The following PKD1 variants were observed in gnomAD, a reference collection of about 807,000 sequenced individuals.
PKD1 encodes the protein polycystin 1, transient receptor potential channel interacting, also known as polycystin-1.
PKD1 carries 81 observed loss-of-function variants against 361.7 expected under a neutral mutation model. The ratio of observed to expected loss-of-function variants is 0.22; its 90% CI spans 0.19 to 0.27. The LOEUF is 0.27. PKD1 is among the 10% of genes least tolerant of loss of function. The probability of loss-of-function intolerance (pLI) is 1.00; values close to 1 mark genes in which losing one functional copy is unlikely to be tolerated. For synonymous variants in PKD1, 3,615 were observed against 2,818.3 expected (o/e 1.28, Z -8.95); for missense variants, 6,399 against 6,118.3 (o/e 1.05, Z -1.53).
At chr16:2,119,466 C>T in intron 1 of PKD1, 88 bp from the exon 2 acceptor site, 3 of 761,664 alleles carry the variant, frequency 3.9e-6, no homozygotes, top group Non-Finnish European at 6.8e-6. Flanking sequence ...TGCCAGCATC[C>T]CCAAGCTATG....
In PKD1 at chr16:2,117,633, G is replaced by A; in HGVS notation, c.1241C>T (p.Pro414Leu). ...CAGGCGGTAGCAGTGCCCGTTGCCA[G>A]GGAAGATCTCCGTGTCCGAGGGGCA... ...PLCPSDTEIF[P>L]GNGHCYRLVV... Residue 414 changes from proline to leucine, a missense_variant, in exon 6 of 46, where the codon CCT (proline) becomes CTT (leucine). Transcript: ENST00000262304. 6.2e-7 allele frequency: 1 copy of A among 1,610,678 alleles called. No homozygotes were observed. Among genetic ancestry groups the A allele is most frequent in the Non-Finnish European group, 8.5e-7 (1 of 1,179,698 alleles).
At position 2,109,292 on chromosome 16, in the gene PKD1, C is replaced by T. The variant is rs939597598; in HGVS notation, c.5875G>A (p.Ala1959Thr). ...ACCACGATGCGCACCTGCGCCTGGG[C>T]CCAGCTCACGTGGTTTTTGCCCCGC... The part of the protein sequence containing the change: ...SVRGKNHVSW[A>T]QAQVRIVVLE... Residue 1959 changes from alanine (A) to threonine (T), a missense_variant, in exon 15 of 46, where the codon GCC (alanine) becomes ACC (threonine). Ala to Thr is a moderately conservative substitution (Grantham distance 58). Coordinates refer to ENST00000262304, the MANE Select transcript of PKD1 (RefSeq NM_001009944.3). The T allele has an allele frequency of 6.3e-7, 1 of 1,584,322 alleles. No homozygotes were observed. Among genetic ancestry groups the T allele is most frequent in the Non-Finnish European group, 8.6e-7 (1 of 1,167,618 alleles).
At chr16:2,092,876 A>C in intron 38 of PKD1, 78 bp downstream of exon 38, 1 of 1,542,804 alleles carries the variant, frequency 6.5e-7, no homozygotes, top group East Asian at 2.2e-5. Context: ...ACACATGTCC[A>C]CATGTCCCCT....
intron 1 of PKD1, chr16:2,123,409 T>G: frequency 2.2e-6 from 1 of 455,628 alleles, no homozygotes; most frequent in Non-Finnish European, 4.4e-6. Flanking sequence ...TGGGCAGGAC[T>G]CAGGTGTGGG....
chr16:2,121,618 G>A (rs894731469), intron 1 of PKD1, among the ~76,000 whole-genome samples: 1 of 152,076 alleles, frequency 6.6e-6, no homozygotes, highest in African/African-American at 2.4e-5. Flanking sequence ...ATGCGGAGGT[G>A]AGTAGACAGA....
rs767311081 is a variant in PKD1, at chr16:2,102,820, G to T, written c.8942C>A (p.Ser2981Tyr). Reference protein sequence around the residue: ...ADHRPYTFFISPGSRDPAGSY... With the variant: ...ADHRPYTFFIYPGSRDPAGSY... Reference sequence around the variant, plus strand: ...GCTGGCCCGCAGAGCTCACCCCGGGGAAATGAAGAAGGTGTAGGGCCGGTG... The same window carrying T: ...GCTGGCCCGCAGAGCTCACCCCGGGTAAATGAAGAAGGTGTAGGGCCGGTG... The change falls in exon 24 of 46, where the codon TCC (serine) becomes TAC (tyrosine). Residue 2981 changes from serine to tyrosine, a missense_variant. Coordinates refer to ENST00000262304, the MANE Select transcript of PKD1 (RefSeq NM_001009944.3). 1.5e-5 allele frequency: 24 copies of T among 1,609,952 alleles called. No individual in the cohort carries two copies. In the African/African-American group the frequency reaches 2.3e-4, roughly 15 times the overall value.
chr16:2,093,307 G>C, intron 37 of PKD1: 1 of 683,884 alleles, frequency 1.5e-6, no homozygotes, highest in Non-Finnish European at 2.5e-6. Context: ...CTGCAGTGGT[G>C]CTTAGGGGCC....
intron 37 of PKD1, 94 bp from the exon 38 acceptor site, chr16:2,093,187 T>C (rs926877382): frequency 3.0e-5 from 44 of 1,474,992 alleles, no homozygotes; most frequent in Non-Finnish European, 4.0e-5. Flanking sequence ...GCGGCAGGTG[T>C]GGCTGCAGGA....
chr16:2,103,386 C>CGGAGTT lies in PKD1; in HGVS notation c.8670_8671insAACTCC (p.Ser2890_Ala2891insAsnSer), dbSNP rs1567176868. On this transcript the variant is annotated inframe_insertion, in exon 23 of 46. Coordinates refer to ENST00000262304, the MANE Select transcript of PKD1 (RefSeq NM_001009944.3). ...ACCACAACGGAGTTGGCGGAGTTGG[C>CGGAGTT]GGAGCTGCGGTGGCCCCGGGCAGCC... is the stretch of plus-strand genomic sequence containing the variant. The CGGAGTT allele has an allele frequency of 1.2e-6, 2 of 1,600,152 alleles. No homozygotes were observed. The highest frequency in any genetic ancestry group is 1.7e-6 in the Non-Finnish European group (2 of 1,179,480).
intron 38 of PKD1, 48 bp downstream of exon 38, chr16:2,092,905 AG>A (rs1409989151): frequency 6.2e-7 from 1 of 1,610,366 alleles, no homozygotes. Flanking sequence ...GCTGGACTAA[AG>A]GCAAAACTAA....
chr16:2,114,718 G>A lies in PKD1; in HGVS notation c.2305C>T (p.Leu769=), dbSNP rs776726676. ...TGTTCCGTGGCTGCAAGCAGCCGCAGGGCACAGGCAGGGCAGGCCCAAGTG... is the reference window on the plus strand; with the variant it reads ...TGTTCCGTGGCTGCAAGCAGCCGCAAGGCACAGGCAGGGCAGGCCCAAGTG... ...EGTWACPACA[L]RLLAATEQLT... is the part of the protein sequence containing the mutation. Residue 769 remains leucine, a synonymous_variant, in exon 11 of 46, where the codon CTG becomes TTG. Transcript: ENST00000262304. 3.3e-6 allele frequency: 5 copies of A among 1,533,164 alleles called. No homozygotes were observed. In the South Asian group the frequency reaches 4.8e-5, roughly 15 times the overall value. 95.0% of individuals were successfully genotyped at this position (1,533,164 alleles called of 1,614,324 possible). A position where few individuals can be genotyped will look rare whatever the true frequency, so the allele number is the denominator to read the frequency against.
chr16:2,099,976 G>A lies in PKD1; in HGVS notation c.9808C>T (p.Pro3270Ser), dbSNP rs2092023462. 2.6e-6 allele frequency: 4 copies of A among 1,563,294 alleles called. No individual in the cohort carries two copies. Among genetic ancestry groups the A allele is most frequent in the Non-Finnish European group, 3.5e-6 (4 of 1,155,446 alleles). ...KHIWLSIWDR[P>S]PRSRFTRIQR... ...ATGCGAGTGAAACGGCTACGAGGCGGCCGGTCCCATATGGAGAGCCAGATG... is the reference window on the plus strand; with the variant it reads ...ATGCGAGTGAAACGGCTACGAGGCGACCGGTCCCATATGGAGAGCCAGATG... Residue 3270 changes from proline (P) to serine (S), a missense_variant, in exon 29 of 46, where the codon CCG becomes TCG. By Grantham distance (74) the Pro-to-Ser change is moderately conservative. Transcript: ENST00000262304.
At position 2,090,154 on chromosome 16, in the gene PKD1, G is replaced by A. The variant is rs182827985; in HGVS notation, c.12485C>T (p.Pro4162Leu). Residue 4162 changes from proline to leucine, a missense_variant, in exon 46 of 46, where the codon CCC becomes CTC. Transcript: ENST00000262304. Reference sequence around the variant, plus strand: ...CTTGGAGCCCCTGGAGGAGCGAGAGGGCAGCGGCTCCATCCCTTCAAAGCG... The same window carrying A: ...CTTGGAGCCCCTGGAGGAGCGAGAGAGCAGCGGCTCCATCCCTTCAAAGCG... ...KVRFEGMEPL[P>L]SRSSRGSKVS... 1.1e-5 allele frequency: 18 copies of A among 1,596,850 alleles called. No homozygotes were observed. The East Asian group carries it at 1.6e-4, about 14-fold the overall frequency.
intron 34 of PKD1, chr16:2,095,056 C>T (rs1320806540): frequency 6.6e-6 from 1 of 152,190 alleles, no homozygotes; most frequent in Non-Finnish European, 1.5e-5. Context: ...AGGAGGATCA[C>T]TTGAGCTCAG....
chr16:2,117,062 G>A lies in PKD1; in HGVS notation c.1386-9C>T, dbSNP rs549474040. 2.8e-5 allele frequency: 42 copies of A among 1,519,060 alleles called. No homozygotes were observed. The highest frequency in any genetic ancestry group is 6.9e-5 in the East Asian group (3 of 43,510). The allele number at this position is 1,519,060 out of a possible 1,614,324, so 94.1% of individuals were successfully genotyped here. The stretch of plus-strand genomic sequence containing the variant: ...TCCACACGTCTAGGCTCCTGGGGGC[G>A]GGTGTGGGATGGCAGGGGGCTCAGG... On this transcript the variant is annotated splice_polypyrimidine_tract_variant and intron_variant, in intron 6 of 45. Transcript: ENST00000262304.
chr16:2,111,891 TG>T lies in PKD1; in HGVS notation c.3296-21del. Reference sequence around the variant, plus strand: ...ACTCACCTGTGGGGACAGGCCCGAGTGGGGCAGCCGCGGCACCCCCACCTGC... The same window carrying T: ...ACTCACCTGTGGGGACAGGCCCGAGTGGGCAGCCGCGGCACCCCCACCTGC... On this transcript the variant is annotated intron_variant, in intron 14 of 45. Transcript: ENST00000262304. The T allele has an allele frequency of 7.5e-6, 12 of 1,609,250 alleles. No individual in the cohort carries two copies. The highest frequency in any genetic ancestry group is 1.0e-5 in the Non-Finnish European group (12 of 1,179,146).
rs1432512293 is a variant in PKD1 at position 2,092,522 on chromosome 16, C to G, written c.11227G>C (p.Glu3743Gln). ...TGCCGCAGCCGTGGGGGCCCCAGCT[C>G]TGGGCTGGACTGGTTCCCGTGGACG... is the stretch of plus-strand genomic sequence containing the variant. ...PYVHGNQSSP[E>Q]LGPPRLRQVR... The change falls in exon 39 of 46, where the codon GAG becomes CAG. Residue 3743 changes from glutamate (E) to glutamine (Q), a missense_variant. By Grantham distance (29) the Glu-to-Gln change is conservative (BLOSUM62 2). Coordinates refer to ENST00000262304, the MANE Select transcript of PKD1 (RefSeq NM_001009944.3). 1 of 1,612,592 alleles carries G rather than the reference C, an allele frequency of 6.2e-7. No individual in the cohort carries two copies. Among genetic ancestry groups the G allele is most frequent in the African/African-American group, 1.3e-5 (1 of 74,936 alleles).
At chr16:2,103,047 G>A in intron 23 of PKD1, 77 bp from the exon 24 acceptor site, 1 of 1,510,988 alleles carries the variant, frequency 6.6e-7, no homozygotes, top group East Asian at 2.3e-5. Flanking sequence ...GCCCTCCTGA[G>A]CCCACCCTCT....
In PKD1 at chr16:2,127,191, A is replaced by T. The variant is rs550745396; in HGVS notation, c.216-7813T>A. 2.6e-5 allele frequency among the ~76,000 whole-genome samples: 4 copies of T among 152,370 alleles called. No individual in the cohort carries two copies. In the South Asian group the frequency reaches 8.3e-4, roughly 32 times the overall value. On this transcript the variant is annotated intron_variant, in intron 1 of 45. Coordinates refer to ENST00000262304, the MANE Select transcript of PKD1 (RefSeq NM_001009944.3). The stretch of plus-strand genomic sequence containing the variant: ...ACAGCAAGAATGCAGCGGGGTCCGC[A>T]CATCAGGGCGGGCACTGAGCGGAAC...
Sources: gnomAD v4.1 joint callset for allele counts (sites outside exome capture counted in the v4.1 genomes callset) on GRCh38, gnomAD v4.1.1 for gene constraint, MANE v1.5 for transcripts, NCBI Gene and HGNC (gene_info 2026-07-23, HGNC 2026-07-21) for gene names.